Variants in RBPMS observed in about 807,000 individuals in gnomAD.
The protein encoded by RBPMS is RNA-binding protein with multiple splicing.
A neutral mutation model predicts 26.8 loss-of-function variants in RBPMS; 7 were observed. The observed-to-expected ratio is 0.26, with a 90% CI of 0.15 to 0.49. The LOEUF (loss-of-function observed/expected upper bound fraction) is 0.49. Among genes scored for constraint, RBPMS ranks in the 20% least tolerant of loss-of-function variants. RBPMS has a pLI of 0.98. For synonymous variants in RBPMS, 96 were observed against 93.3 expected, an observed-to-expected ratio of 1.03 and a Z score of -0.17; for missense variants, 186 against 250.0, an observed-to-expected ratio of 0.74 and a Z score of 1.73.
At position 30,566,272 on chromosome 8, in the gene RBPMS, T is replaced by C. The variant is rs1339787041; in HGVS notation, c.*23T>C. 5.1e-6 allele frequency: 5 copies of C among 985,874 alleles called. No individual in the cohort carries two copies. The highest frequency in any genetic ancestry group is 6.0e-6 in the Non-Finnish European group (5 of 830,046). The allele number at this position is 985,874 out of a possible 1,614,324, so 61.1% of individuals were successfully genotyped here. A position where few individuals can be genotyped will look rare whatever the true frequency, so the allele number is the denominator to read the frequency against. ...TCCATCCCAGGTCCCAGGTGTGTGA[T>C]GGCGGCTGCAATCTGTCTTGTGGGT... On this transcript the variant is annotated 3_prime_UTR_variant, in exon 8 of 9. Transcript: ENST00000397323.
intron 5 of RBPMS, among the ~76,000 whole-genome samples, chr8:30,515,726 G>A (rs1436113263): frequency 1.3e-5 from 2 of 152,110 alleles, no homozygotes; most frequent in Non-Finnish European, 2.9e-5. Context: ...TGCCATCACA[G>A]CTCACTGCAG....
At chr8:30,479,605 A>G (rs1346407971) in intron 4 of RBPMS, among the ~76,000 whole-genome samples, 1 of 152,232 alleles carries the variant, frequency 6.6e-6, no homozygotes, top group African/African-American at 2.4e-5. Context: ...GAAATGCTCA[A>G]AATATCTGAC....
At chr8:30,440,052 TC>T (rs1486371555) in intron 1 of RBPMS, among the ~76,000 whole-genome samples, 1 of 152,124 alleles carries the variant, frequency 6.6e-6, no homozygotes, top group Non-Finnish European at 1.5e-5. Context: ...AGTCATTCGA[TC>T]AATCAACTGC....
At chr8:30,514,199 A>T (rs1469686214) in intron 5 of RBPMS, among the ~76,000 whole-genome samples, 3 of 152,200 alleles carry the variant, frequency 2.0e-5, no homozygotes, top group Non-Finnish European at 4.4e-5. Context: ...TTTTTGATAA[A>T]CAGGTAAAAA....
chr8:30,415,264 T>C (rs1809929658), intron 1 of RBPMS, among the ~76,000 whole-genome samples: 1 of 152,218 alleles, frequency 6.6e-6, no homozygotes, highest in South Asian at 2.1e-4. Flanking sequence ...TCTGTTGACT[T>C]ACCTTTACCC....
chr8:30,567,594 C>T (rs1456128215), intron 8 of RBPMS, among the ~76,000 whole-genome samples: 1 of 152,172 alleles, frequency 6.6e-6, no homozygotes, highest in Non-Finnish European at 1.5e-5. Flanking sequence ...AAGCCACTTG[C>T]ACATTTTTTT....
Position 30,386,530 on chromosome 8 carries a change from C to T in RBPMS, c.66+1372C>T, listed in dbSNP as rs530045857. Among the ~76,000 whole-genome samples, 5 of 152,242 alleles carry T rather than the reference C, an allele frequency of 3.3e-5. No homozygotes were observed. In the East Asian group the frequency reaches 5.8e-4, roughly 18 times the overall value. On this transcript the variant is annotated intron_variant, in intron 1 of 8. Coordinates refer to ENST00000397323, the MANE Select transcript of RBPMS (RefSeq NM_001008710.3). Reference sequence around the variant, plus strand: ...AAAAGACTATTTGAAGAGTTGTTTACTTGCATGTTTTCTAATTACAATTGT... The same window carrying T: ...AAAAGACTATTTGAAGAGTTGTTTATTTGCATGTTTTCTAATTACAATTGT...
chr8:30,441,707 C>A (rs1813090498), intron 1 of RBPMS, among the ~76,000 whole-genome samples: 1 of 152,156 alleles, frequency 6.6e-6, no homozygotes, highest in Non-Finnish European at 1.5e-5. Context: ...GAAAAATAAA[C>A]CCTCCAAAAA....
intron 5 of RBPMS, among the ~76,000 whole-genome samples, chr8:30,537,077 G>A (rs1031672534): frequency 6.6e-6 from 1 of 152,160 alleles, no homozygotes; most frequent in Non-Finnish European, 1.5e-5. Flanking sequence ...GGAAGGAGGA[G>A]GAATGAAAAT....
At chr8:30,567,597 A>C (rs1563461112) in intron 8 of RBPMS, among the ~76,000 whole-genome samples, 1 of 152,038 alleles carries the variant, frequency 6.6e-6, no homozygotes, top group Non-Finnish European at 1.5e-5. Flanking sequence ...CCACTTGCAC[A>C]TTTTTTTCCA....
chr8:30,410,844 T>C (rs75179143), intron 1 of RBPMS, among the ~76,000 whole-genome samples: 2,208 of 151,930 alleles, frequency 0.015, 55 homozygotes, highest in African/African-American at 0.05. Flanking sequence ...CAAGACATCT[T>C]CCTACCCCAG....
intron 5 of RBPMS, among the ~76,000 whole-genome samples, chr8:30,513,031 G>A (rs553907159): frequency 5.9e-5 from 9 of 151,702 alleles, no homozygotes; most frequent in African/African-American, 2.2e-4. Flanking sequence ...GGGAAGAGGT[G>A]GTAGTGAGGG....
At chr8:30,526,022 A>G (rs998564823) in intron 5 of RBPMS, among the ~76,000 whole-genome samples, 6 of 152,248 alleles carry the variant, frequency 3.9e-5, no homozygotes, top group Non-Finnish European at 8.8e-5. Flanking sequence ...TGTCCTTTTG[A>G]TGAAAAGCCA....
intron 5 of RBPMS, among the ~76,000 whole-genome samples, chr8:30,508,297 G>T (rs1821259018): frequency 6.6e-6 from 1 of 152,166 alleles, no homozygotes; most frequent in Non-Finnish European, 1.5e-5. Flanking sequence ...TAAATTATTT[G>T]TTGTTTAAGC....
chr8:30,471,410 T>C (rs1449524367), intron 1 of RBPMS, among the ~76,000 whole-genome samples: 1 of 152,222 alleles, frequency 6.6e-6, no homozygotes, highest in Non-Finnish European at 1.5e-5. Context: ...AACAATATTA[T>C]AAATAATAGT....
At chr8:30,409,845 C>G (rs3116009) in intron 1 of RBPMS, among the ~76,000 whole-genome samples, 1 of 151,728 alleles carries the variant, frequency 6.6e-6, no homozygotes, top group African/African-American at 2.4e-5. Flanking sequence ...GTTGGCCAGG[C>G]TGGTCTCGAT....
At chr8:30,440,969 C>T (rs1278973515) in intron 1 of RBPMS, among the ~76,000 whole-genome samples, 1 of 151,340 alleles carries the variant, frequency 6.6e-6, no homozygotes, top group Non-Finnish European at 1.5e-5. Context: ...CCCCGCCCCG[C>T]CCCCCTCCAG....
chr8:30,429,098 A>G (rs1270407391), intron 1 of RBPMS, among the ~76,000 whole-genome samples: 2 of 152,326 alleles, frequency 1.3e-5, no homozygotes, highest in East Asian at 1.9e-4. Context: ...TGCTAAAGTC[A>G]TAAAATAGAA....
At chr8:30,528,124 G>A (rs543261645) in intron 5 of RBPMS, among the ~76,000 whole-genome samples, 6 of 151,700 alleles carry the variant, frequency 4.0e-5, no homozygotes, top group East Asian at 1.9e-4. Context: ...GCAGTGAGCC[G>A]AGATCGCGCC....
Sources: allele counts gnomAD v4.1 joint callset (sites outside exome capture counted in the v4.1 genomes callset), GRCh38; gene constraint gnomAD v4.1.1; transcripts MANE v1.5; gene names NCBI Gene and HGNC (gene_info 2026-07-23, HGNC 2026-07-21).